The following ACAT1 variants were observed in gnomAD, a reference collection of about 807,000 sequenced individuals.
The protein encoded by ACAT1 is acetyl-CoA acetyltransferase 1, also known as acetyl-CoA acetyltransferase, mitochondrial.
A neutral mutation model predicts 47.3 loss-of-function variants in ACAT1; 28 were observed. The ratio of observed to expected loss-of-function variants is 0.59; its 90% CI spans 0.44 to 0.81. The LOEUF (loss-of-function observed/expected upper bound fraction) is 0.81, where lower values mean the gene tolerates loss of function less well. Among genes scored for constraint, ACAT1 ranks in the 30% least tolerant of loss-of-function variants. The pLI is 0.00. For missense variants in ACAT1, 469 were observed against 524.3 expected, an observed-to-expected ratio of 0.89 and a Z score of 1.03; for synonymous variants, 181 against 173.6, an observed-to-expected ratio of 1.04 and a Z score of -0.34.
Position 108,141,632 on chromosome 11 carries a change from A to T in ACAT1, c.758A>T (p.Asp253Val). 1 of 1,613,412 alleles carries T rather than the reference A, an allele frequency of 6.2e-7. No individual in the cohort carries two copies. Among genetic ancestry groups the T allele is most frequent in the Non-Finnish European group, 8.5e-7 (1 of 1,179,774 alleles). The change falls in exon 8 of 12, where the codon GAT (aspartate) becomes GTT (valine). Residue 253 changes from aspartate (D) to valine (V), a missense_variant. Asp to Val is a radical substitution (Grantham distance 152). Coordinates refer to ENST00000265838, the MANE Select transcript of ACAT1 (RefSeq NM_000019.4). ...KGQPDVVVKE[D>V]EEYKRVDFSK... Reference sequence around the variant, plus strand: ...CAACCAGATGTAGTGGTGAAAGAAGATGAAGAATATAAACGTGTTGATTTT... The same window carrying T: ...CAACCAGATGTAGTGGTGAAAGAAGTTGAAGAATATAAACGTGTTGATTTT...
Position 108,140,126 on chromosome 11 carries a change from A to AT in ACAT1, c.642dup (p.Ala215CysfsTer3). ...ATTGCACGAAATGAACAGGACGCTT[A>AT]TGCTATTAATTCTTATACCAGAAGT... On this transcript the variant is annotated frameshift_variant, in exon 7 of 12. Transcript: ENST00000265838. LOFTEE classifies it high-confidence loss of function. 1.9e-6 allele frequency: 3 copies of AT among 1,614,172 alleles called. No homozygotes were observed. Among genetic ancestry groups the AT allele is most frequent in the Non-Finnish European group, 2.5e-6 (3 of 1,180,006 alleles).
chr11:108,138,202 G>A (rs1301925021), intron 5 of ACAT1, among the ~76,000 whole-genome samples: 4 of 151,870 alleles, frequency 2.6e-5, no homozygotes, highest in African/African-American at 9.7e-5. Flanking sequence ...AGCCAGGATG[G>A]TCTCGATTTC....
At chr11:108,131,372 T>TTTTTTTTTTTGA (rs1555031491) in intron 1 of ACAT1, among the ~76,000 whole-genome samples, 1 of 142,360 alleles carries the variant, frequency 7.0e-6, no homozygotes, top group African/African-American at 2.6e-5. Flanking sequence ...TTTTTTTTTT[T>TTTTTTTTTTTGA]AGACAGTCTT....
At chr11:108,118,415 C>G (rs1193688634), upstream of ACAT1, among the ~76,000 whole-genome samples, 1 of 151,826 alleles carries the variant, frequency 6.6e-6, no homozygotes, top group Non-Finnish European at 1.5e-5. Context: ...CGCTCTGTCA[C>G]CCAGGCTGTA....
chr11:108,118,590 T>C (rs2077103574), upstream of ACAT1, among the ~76,000 whole-genome samples: 1 of 152,142 alleles, frequency 6.6e-6, no homozygotes, highest in South Asian at 2.1e-4. Context: ...TAGGATGGTC[T>C]CGATCTCCTG....
intron 1 of ACAT1, among the ~76,000 whole-genome samples, chr11:108,122,773 A>G (rs7114794): frequency 0.27 from 41,641 of 151,968 alleles, 6,938 homozygotes; most frequent in Middle Eastern, 0.53. Flanking sequence ...TTTTTAGCCT[A>G]TTTGTTAGTC....
In ACAT1 at chr11:108,140,092, A is replaced by C. The variant is rs200498630; in HGVS notation, c.607A>C (p.Lys203Gln). 50 of 1,614,018 alleles carry C rather than the reference A, an allele frequency of 3.1e-5. No homozygotes were observed. Among genetic ancestry groups the C allele is most frequent in the Non-Finnish European group, 1.4e-5 (16 of 1,179,982 alleles). ...CAGCTGTGCTGAGAATACAGCAAAG[A>C]AGCTGAATATTGCACGAAATGAACA... ...MGSCAENTAK[K>Q]LNIARNEQDA... Residue 203 changes from lysine to glutamine, a missense_variant, in exon 7 of 12, where the codon AAG (lysine) becomes CAG (glutamine). Coordinates refer to ENST00000265838, the MANE Select transcript of ACAT1 (RefSeq NM_000019.4).
chr11:108,121,200 CAA>C (rs10561331), upstream of ACAT1: 131,254 of 251,168 alleles, frequency 0.52, 26,449 homozygotes, highest in East Asian at 0.71. Context: ...GACCTTGTCT[CAA>C]AAAAAAAAAA....
rs2134761406 is a variant in ACAT1 at position 108,140,155 on chromosome 11, G to C, written c.670G>C (p.Ala224Pro). 6.2e-7 allele frequency: 1 copy of C among 1,614,176 alleles called. No homozygotes were observed. The highest frequency in any genetic ancestry group is 8.5e-7 in the Non-Finnish European group (1 of 1,180,018). The change falls in exon 7 of 12, where the codon GCA (alanine) becomes CCA (proline). Residue 224 changes from alanine to proline, a missense_variant. Coordinates refer to ENST00000265838, the MANE Select transcript of ACAT1 (RefSeq NM_000019.4). ...YAINSYTRSK[A>P]AWEAGKFGNE... ...TATTAATTCTTATACCAGAAGTAAAGCAGCATGGGAAGCTGGGAAATTTGG... is the reference window on the plus strand; with the variant it reads ...TATTAATTCTTATACCAGAAGTAAACCAGCATGGGAAGCTGGGAAATTTGG...
At chr11:108,128,451 C>T (rs569855462) in intron 1 of ACAT1, among the ~76,000 whole-genome samples, 90 of 152,066 alleles carry the variant, frequency 5.9e-4, no homozygotes, top group Middle Eastern at 3.2e-3. Flanking sequence ...ATTAGCCGGG[C>T]GTGGTGGCGC....
intron 2 of ACAT1, among the ~76,000 whole-genome samples, chr11:108,132,853 C>CAA (rs57501370): frequency 0.02 from 954 of 47,834 alleles, 49 homozygotes; most frequent in Non-Finnish European, 0.026. Flanking sequence ...AACTCCATCT[C>CAA]AAAAAAAAAA....
intron 10 of ACAT1, among the ~76,000 whole-genome samples, chr11:108,145,475 G>C (rs993818792): frequency 5.3e-5 from 8 of 151,330 alleles, no homozygotes; most frequent in Admixed American, 5.3e-4. Context: ...CAAGGCTGCA[G>C]TGGGCCATGA....
upstream of ACAT1, among the ~76,000 whole-genome samples, chr11:108,119,662 TCA>T (rs1284158137): frequency 0.014 from 1,150 of 79,414 alleles, 10 homozygotes; most frequent in Middle Eastern, 0.05. Flanking sequence ...TCTCTCTCTC[TCA>T]CACACACACA....
upstream of ACAT1, chr11:108,121,407 A>G: frequency 3.1e-6 from 2 of 640,366 alleles, no homozygotes; most frequent in Non-Finnish European, 5.5e-6. Flanking sequence ...TTCACTCGTC[A>G]ACCTTTCCTG....
chr11:108,127,727 G>C (rs550965030), intron 1 of ACAT1, among the ~76,000 whole-genome samples: 1 of 152,318 alleles, frequency 6.6e-6, no homozygotes, highest in South Asian at 2.1e-4. Flanking sequence ...TGACTAATGA[G>C]GTAGGAAGGA....
At chr11:108,141,804 T>C (rs2077593745) in intron 8 of ACAT1, 104 bp downstream of exon 8, 10 of 774,280 alleles carry the variant, frequency 1.3e-5, no homozygotes, top group Non-Finnish European at 2.0e-5. Flanking sequence ...AACATCTAGA[T>C]GTTATTTAAC....
Position 108,121,637 on chromosome 11 carries a change from G to C in ACAT1, c.31G>C (p.Gly11Arg). 6.4e-7 allele frequency: 1 copy of C among 1,550,632 alleles called. No homozygotes were observed. The highest frequency in any genetic ancestry group is 8.7e-7 in the Non-Finnish European group (1 of 1,147,626). Residue 11 changes from glycine to arginine, a missense_variant, in exon 1 of 12, where the codon GGC (glycine) becomes CGC (arginine). Coordinates refer to ENST00000265838, the MANE Select transcript of ACAT1 (RefSeq NM_000019.4). MAVLAALLRSGARSRSPLLRR... is the reference protein window; with the variant it reads MAVLAALLRSRARSRSPLLRR... Reference sequence around the variant, plus strand: ...TGTGCTGGCGGCACTTCTGCGCAGCGGCGCCCGCAGCCGCAGCCCCCTGCT... The same window carrying C: ...TGTGCTGGCGGCACTTCTGCGCAGCCGCGCCCGCAGCCGCAGCCCCCTGCT...
rs1346981868 is a variant in ACAT1, at chr11:108,143,976, T to TA, written c.941-4dup. Reference sequence around the variant, plus strand: ...TTAACAACCCCCCCCCCCCTTTTTTTAAACAGCATTTGCTGACGCTGCTGT... The same window carrying TA: ...TTAACAACCCCCCCCCCCCTTTTTTTAAAACAGCATTTGCTGACGCTGCTGT... On this transcript the variant is annotated splice_polypyrimidine_tract_variant and splice_region_variant and intron_variant, in intron 9 of 11. Transcript: ENST00000265838. 1 of 722,702 alleles carries TA rather than the reference T, an allele frequency of 1.4e-6. No homozygotes were observed. 44.8% of individuals were successfully genotyped at this position (722,702 alleles called of 1,614,324 possible).
chr11:108,145,411 C>T (rs559324263), intron 10 of ACAT1, among the ~76,000 whole-genome samples: 3 of 152,138 alleles, frequency 2.0e-5, no homozygotes, highest in Admixed American at 6.5e-5. Flanking sequence ...GGTGCAGTGG[C>T]GCTCGCCTGT....
Sources: gnomAD v4.1 joint callset for allele counts (sites outside exome capture counted in the v4.1 genomes callset) on GRCh38, gnomAD v4.1.1 for gene constraint, MANE v1.5 for transcripts, NCBI Gene and HGNC (gene_info 2026-07-23, HGNC 2026-07-21) for gene names.